Variants in TANGO2 observed in about 807,000 individuals in gnomAD.
TANGO2 encodes transport and golgi organization 2 homolog.
TANGO2 carries 26 observed loss-of-function variants against 39.1 expected under a neutral mutation model. That is an observed-to-expected ratio of 0.67 (90% CI 0.49 to 0.92). The LOEUF (loss-of-function observed/expected upper bound fraction) is 0.92. TANGO2 is among the 40% of genes least tolerant of loss of function. TANGO2 has a pLI of 0.00. For synonymous variants in TANGO2, 131 were observed against 144.5 expected (o/e 0.91, Z 0.67); for missense variants, 326 against 360.1 (o/e 0.91, Z 0.77).
intron 3 of TANGO2, 116 bp from the exon 4 acceptor site, chr22:20,052,349 G>C (rs142975793): frequency 3.5e-6 from 5 of 1,447,466 alleles, no homozygotes; most frequent in Non-Finnish European, 4.7e-6. Flanking sequence ...CATGTCGAAC[G>C]TCCTCGAGGA....
chr22:20,034,048 A>G (rs186477647), intron 1 of TANGO2, among the ~76,000 whole-genome samples: 119 of 152,312 alleles, frequency 7.8e-4, no homozygotes, highest in Admixed American at 7.5e-3. Context: ...TCCACTAAAA[A>G]TACAAAATTA....
intron 3 of TANGO2, among the ~76,000 whole-genome samples, chr22:20,051,808 C>T (rs1354659094): frequency 1.3e-5 from 2 of 152,058 alleles, no homozygotes. Flanking sequence ...TGTGTGATTG[C>T]CACTGAACTC....
chr22:20,032,591 T>G (rs1187052402), intron 1 of TANGO2, among the ~76,000 whole-genome samples: 1 of 152,212 alleles, frequency 6.6e-6, no homozygotes, highest in East Asian at 1.9e-4. Flanking sequence ...GCCAAGGACA[T>G]GCTGAGAGTT....
At chr22:20,059,982 G>T (rs1395603608) in intron 6 of TANGO2, among the ~76,000 whole-genome samples, 3 of 151,190 alleles carry the variant, frequency 2.0e-5, no homozygotes, top group African/African-American at 7.3e-5. Context: ...TTGAGACAGG[G>T]TCTGGCTCTG....
chr22:20,046,154 C>CT (rs973033283), intron 3 of TANGO2, among the ~76,000 whole-genome samples: 46 of 150,892 alleles, frequency 3.0e-4, no homozygotes, highest in African/African-American at 1.1e-3. Context: ...TAATTTTTTT[C>CT]TTTTTTTTTG....
At chr22:20,025,584 T>C (rs1601814409) in intron 1 of TANGO2, among the ~76,000 whole-genome samples, 5 of 152,152 alleles carry the variant, frequency 3.3e-5, no homozygotes, top group African/African-American at 1.2e-4. Context: ...CTAGACCAGG[T>C]GGCCCTGCCC....
intron 3 of TANGO2, among the ~76,000 whole-genome samples, chr22:20,050,660 C>CTTT (rs74915154): frequency 2.3e-5 from 3 of 128,714 alleles, no homozygotes; most frequent in African/African-American, 5.7e-5. Context: ...CTGCACCCGG[C>CTTT]TTTTTTTTTT....
rs753866777 is a variant in TANGO2 at position 20,052,591 on chromosome 22, C to T, written c.265+7C>T. 121 of 1,503,172 alleles carry T rather than the reference C, an allele frequency of 8.0e-5. No homozygotes were observed. The highest frequency in any genetic ancestry group is 1.0e-4 in the Non-Finnish European group (113 of 1,118,838). 93.1% of individuals were successfully genotyped at this position (1,503,172 alleles called of 1,614,324 possible). A position where few individuals can be genotyped will look rare whatever the true frequency, so the allele number is the denominator to read the frequency against. On this transcript the variant is annotated splice_region_variant and intron_variant, in intron 4 of 8. Coordinates refer to ENST00000327374, the MANE Select transcript of TANGO2 (RefSeq NM_152906.7). Reference sequence around the variant, plus strand: ...TGGCAGGCCCGAGGGCGAGGTAAGGCGAGTGGGGTGGGGCCAAGGTGAGAC... The same window carrying T: ...TGGCAGGCCCGAGGGCGAGGTAAGGTGAGTGGGGTGGGGCCAAGGTGAGAC...
rs190044461 is a variant in TANGO2, at chr22:20,033,490, G to A, written c.-39-3270G>A. ...TCCATGGCCTTGCCAGCAGCTGGGC[G>A]TGCAGCCCAGGGAGGGCTGAGGTCG... is the stretch of plus-strand genomic sequence containing the variant. On this transcript the variant is annotated intron_variant, in intron 1 of 8. Transcript: ENST00000327374. 2.2e-4 allele frequency among the ~76,000 whole-genome samples: 34 copies of A among 152,360 alleles called. 1 individual carries two copies. Among genetic ancestry groups the A allele is most frequent in the Admixed American group, 1.6e-3 (24 of 15,312 alleles).
chr22:20,036,424 G>T (rs914898462), intron 1 of TANGO2, among the ~76,000 whole-genome samples: 3 of 152,164 alleles, frequency 2.0e-5, no homozygotes, highest in Non-Finnish European at 4.4e-5. Context: ...TCACAGTGTG[G>T]CTCCTGCCCT....
Position 20,053,316 on chromosome 22 carries a change from C to T in TANGO2, c.266-121C>T, listed in dbSNP as rs770034637. 22 of 670,256 alleles carry T rather than the reference C, an allele frequency of 3.3e-5. No individual in the cohort carries two copies. In the East Asian group the frequency reaches 5.8e-4, roughly 18 times the overall value. 41.5% of individuals were successfully genotyped at this position (670,256 alleles called of 1,614,324 possible). ...TGACTCTTGCGGCAGTCATGACAGG[C>T]CAGGGCTCCAGTGGGACCCCTCATC... On this transcript the variant is annotated intron_variant, in intron 4 of 8. Transcript: ENST00000327374.
In TANGO2 at chr22:20,066,987, A is replaced by G. The variant is rs1015973047; in HGVS notation, c.*2325A>G. On this transcript the variant is annotated 3_prime_UTR_variant, in exon 9 of 9. Transcript: ENST00000327374. ...TGTTATGAGTTGTGTCCCCAAAGAGATATATCAGTGTCCTGACCCACAGTA... is the reference window on the plus strand; with the variant it reads ...TGTTATGAGTTGTGTCCCCAAAGAGGTATATCAGTGTCCTGACCCACAGTA... 3 of 152,194 alleles carry G rather than the reference A, an allele frequency of 2.0e-5. No individual in the cohort carries two copies. The highest frequency in any genetic ancestry group is 7.2e-5 in the African/African-American group (3 of 41,426). The allele number at this position is 152,194 out of a possible 1,614,324, so 9.4% of individuals were successfully genotyped here. A position where few individuals can be genotyped will look rare whatever the true frequency, so the allele number is the denominator to read the frequency against.
At chr22:20,041,185 C>T (rs759504172) in intron 2 of TANGO2, among the ~76,000 whole-genome samples, 4 of 152,212 alleles carry the variant, frequency 2.6e-5, no homozygotes, top group Non-Finnish European at 5.9e-5. Flanking sequence ...TTCGTTCTGT[C>T]GCCCAGGCTA....
At chr22:20,061,728 C>T (rs769738007) in intron 7 of TANGO2, 45 bp downstream of exon 7, 1 of 1,505,292 alleles carries the variant, frequency 6.6e-7, no homozygotes. Flanking sequence ...TGTCCCGCCA[C>T]CAGGGCAGAG....
chr22:20,062,333 A>C (rs2048536537), intron 7 of TANGO2, among the ~76,000 whole-genome samples: 1 of 151,250 alleles, frequency 6.6e-6, no homozygotes, highest in African/African-American at 2.4e-5. Flanking sequence ...CTCGCTCCCC[A>C]CCCAGGTCAG....
intron 1 of TANGO2, among the ~76,000 whole-genome samples, chr22:20,031,454 T>C (rs894456792): frequency 6.6e-6 from 1 of 152,148 alleles, no homozygotes; most frequent in Non-Finnish European, 1.5e-5. Flanking sequence ...GTGTCGTAGG[T>C]CGGTGGCAGG....
intron 3 of TANGO2, among the ~76,000 whole-genome samples, chr22:20,050,066 C>T (rs543616253): frequency 6.6e-6 from 1 of 152,050 alleles, no homozygotes; most frequent in African/African-American, 2.4e-5. Context: ...AAAAAATTAG[C>T]TAGGTGTGGT....
At chr22:20,038,975 C>G (rs904331390) in intron 2 of TANGO2, among the ~76,000 whole-genome samples, 6 of 151,382 alleles carry the variant, frequency 4.0e-5, no homozygotes, top group Non-Finnish European at 8.8e-5. Context: ...GGATCTTGCT[C>G]TGTTGCCCAG....
chr22:20,047,378 C>T (rs1283182139), intron 3 of TANGO2, among the ~76,000 whole-genome samples: 2 of 151,914 alleles, frequency 1.3e-5, no homozygotes, highest in East Asian at 1.9e-4. Flanking sequence ...GGATTACAGG[C>T]GCCTGCCACC....
Sources: allele counts gnomAD v4.1 joint callset (sites outside exome capture counted in the v4.1 genomes callset), GRCh38; gene constraint gnomAD v4.1.1; transcripts MANE v1.5; gene names NCBI Gene and HGNC (gene_info 2026-07-23, HGNC 2026-07-21).